Variants in NIBAN3 observed in about 807,000 individuals in gnomAD.
NIBAN3 encodes niban apoptosis regulator 3.
Under a neutral mutation model 76.4 loss-of-function variants are expected in NIBAN3, and 66 were observed. That is an observed-to-expected ratio of 0.86 (90% CI 0.71 to 1.06). The LOEUF is 1.06. Among genes scored for constraint, NIBAN3 ranks in the 50% least tolerant of loss-of-function variants. The pLI is 0.00. For missense variants in NIBAN3, 808 were observed against 810.7 expected (o/e 1.00, Z 0.04); for synonymous variants, 360 against 355.2 (o/e 1.01, Z -0.15).
Position 17,543,319 on chromosome 19 carries a change from C to T in NIBAN3, c.1332C>T (p.Leu444=). ...CATCATAGCATCTCCTCCCACAGCT[C>T]ATGGCTGACGCCGTGGCCACCTTCC... The part of the protein sequence containing the change: ...VFGAQDLAQQ[L]MADAVATFLQ... The change falls in exon 11 of 15, where the codon CTC becomes CTT. Residue 444 remains leucine, a splice_region_variant and synonymous_variant. Transcript: ENST00000599164. The T allele has an allele frequency of 6.4e-7, 1 of 1,557,436 alleles. No individual in the cohort carries two copies. Among genetic ancestry groups the T allele is most frequent in the Middle Eastern group, 1.8e-4 (1 of 5,686 alleles).
chr19:17,526,167 G>A (rs2075605161), upstream of NIBAN3, among the ~76,000 whole-genome samples: 2 of 151,990 alleles, frequency 1.3e-5, no homozygotes, highest in Admixed American at 6.6e-5. Flanking sequence ...CAAAAAATTA[G>A]CCAGGTGTGG....
Position 17,543,514 on chromosome 19 carries a change from T to G in NIBAN3, c.1447-10T>G. 1 of 1,613,532 alleles carries G rather than the reference T, an allele frequency of 6.2e-7. No homozygotes were observed. The highest frequency in any genetic ancestry group is 1.1e-5 in the South Asian group (1 of 91,072). ...TGGTTGCTGGACGCACCGCTGGGTG[T>G]GTTGTGCAGAAATTCAAATCGGACA... On this transcript the variant is annotated splice_polypyrimidine_tract_variant and intron_variant, in intron 11 of 14. Transcript: ENST00000599164.
rs769690443 is a variant in NIBAN3 at position 17,540,448 on chromosome 19, C to T, written c.1036C>T (p.Pro346Ser). ...GCGCCGGGAGGTGGACCCGCAGCTG[C>T]CCCGGGTCGTGCAGACCCTGCTGCG... Reference protein sequence around the residue: ...CLRREVDPQLPRVVQTLLRTV... With the variant: ...CLRREVDPQLSRVVQTLLRTV... Residue 346 changes from proline (P) to serine (S), a missense_variant, in exon 9 of 15, where the codon CCC becomes TCC. By Grantham distance (74) the Pro-to-Ser change is moderately conservative. Transcript: ENST00000599164. 17 of 1,568,870 alleles carry T rather than the reference C, an allele frequency of 1.1e-5. No homozygotes were observed. The Admixed American group carries it at 1.8e-4, about 17-fold the overall frequency.
chr19:17,545,911 C>G, intron 12 of NIBAN3: 3 of 430,378 alleles, frequency 7.0e-6, no homozygotes, highest in South Asian at 4.9e-5. Context: ...TCTCTAAACT[C>G]CCCCGGAGAA....
rs1555766039 is a variant in NIBAN3, at chr19:17,551,895, CT to C, written c.1861del (p.Ter621GlufsTer32). ...CGCCTTCTCCAGGAACATTCCGGAGCTGAATCTTCACCCACATCTATCTTGT... is the reference window on the plus strand; with the variant it reads ...CGCCTTCTCCAGGAACATTCCGGAGCGAATCTTCACCCACATCTATCTTGT... The part of the protein sequence containing the change: ...PPPSPGTFRS[*>X] On this transcript the variant is annotated frameshift_variant and stop_lost, in exon 15 of 15. Transcript: ENST00000599164. LOFTEE classifies it high-confidence loss of function. 1 of 777,620 alleles carries C rather than the reference CT, an allele frequency of 1.3e-6. No individual in the cohort carries two copies. Among genetic ancestry groups the C allele is most frequent in the Non-Finnish European group, 2.4e-6 (1 of 415,356 alleles). 48.2% of individuals were successfully genotyped at this position (777,620 alleles called of 1,614,324 possible). A position where few individuals can be genotyped will look rare whatever the true frequency, so the allele number is the denominator to read the frequency against.
chr19:17,546,668 A>C lies in NIBAN3; in HGVS notation c.1555-18A>C, dbSNP rs376569084. 5.3e-5 allele frequency: 81 copies of C among 1,527,972 alleles called. No homozygotes were observed. Among genetic ancestry groups the C allele is most frequent in the Non-Finnish European group, 6.8e-5 (77 of 1,136,022 alleles). 94.7% of individuals were successfully genotyped at this position (1,527,972 alleles called of 1,614,324 possible). A position where few individuals can be genotyped will look rare whatever the true frequency, so the allele number is the denominator to read the frequency against. On this transcript the variant is annotated intron_variant, in intron 12 of 14. Transcript: ENST00000599164. The stretch of plus-strand genomic sequence containing the variant: ...GGCCCTCCTCTCCATCCGAGCCCCT[A>C]ACCCGCCATGGTTCCAGGAGCTGCC...
At position 17,539,364 on chromosome 19, in the gene NIBAN3, G is replaced by A. The variant is rs765901159; in HGVS notation, c.729G>A (p.Leu243=). 1 of 1,544,578 alleles carries A rather than the reference G, an allele frequency of 6.5e-7. No individual in the cohort carries two copies. The highest frequency in any genetic ancestry group is 1.4e-5 in the African/African-American group (1 of 73,064). ...TCCTGCAGGTGCTGACCGCGGTGCT[G>A]ATGCGGGAGCAACTTCCCGCGCTGC... The part of the protein sequence containing the change: ...GSDAEVLTAV[L]MREQLPALRA... The change falls in exon 7 of 15, where the codon CTG becomes CTA. Residue 243 remains leucine (L), a synonymous_variant. Coordinates refer to ENST00000599164, the MANE Select transcript of NIBAN3 (RefSeq NM_001321827.2).
intron 13 of NIBAN3, among the ~76,000 whole-genome samples, chr19:17,547,072 G>T (rs2076069425): frequency 6.6e-6 from 1 of 152,056 alleles, no homozygotes; most frequent in Admixed American, 6.6e-5. Flanking sequence ...ACTGATAGAG[G>T]CTGGGTGTGG....
chr19:17,539,892 C>T (rs1274678788), intron 8 of NIBAN3, 127 bp downstream of exon 8: 7 of 695,602 alleles, frequency 1.0e-5, no homozygotes, highest in African/African-American at 2.0e-5. Flanking sequence ...AGGGGCGGGG[C>T]CAAGCATAGG....
intron 7 of NIBAN3, 61 bp from the exon 8 acceptor site, chr19:17,539,542 T>C (rs1378926114): frequency 1.4e-6 from 2 of 1,468,674 alleles, no homozygotes; most frequent in Admixed American, 2.5e-5. Context: ...TCTCCCGATC[T>C]CTCTGACCCC....
chr19:17,527,139 C>T, upstream of NIBAN3: 2 of 1,389,498 alleles, frequency 1.4e-6, no homozygotes, highest in Non-Finnish European at 1.9e-6. Context: ...TCCCCGCAGC[C>T]TCTACAGAAA....
Position 17,531,374 on chromosome 19 carries a change from A to C in NIBAN3, c.186+489A>C, listed in dbSNP as rs1056951519. On this transcript the variant is annotated intron_variant, in intron 2 of 14. Transcript: ENST00000599164. ...ACACACACACACACACACACACACA[A>C]CCATTCACTGAGCATGTAATTCATG... is the stretch of plus-strand genomic sequence containing the variant. 1.4e-4 allele frequency among the ~76,000 whole-genome samples: 17 copies of C among 122,026 alleles called. 1 individual carries two copies. The highest frequency in any genetic ancestry group is 1.3e-3 in the Admixed American group (15 of 11,886). The allele number at this position is 122,026 out of a possible 152,430, so 80.1% of individuals were successfully genotyped here.
rs370987487 is a variant in NIBAN3 at position 17,527,324 on chromosome 19, C to T, written c.-17C>T. The T allele has an allele frequency of 3.9e-6, 6 of 1,541,492 alleles. No individual in the cohort carries two copies. Among genetic ancestry groups the T allele is most frequent in the South Asian group, 1.2e-5 (1 of 83,894 alleles). The stretch of plus-strand genomic sequence containing the variant: ...GTCGTGGGGAAGGGAAGAGGAGCCC[C>T]GGGAGACGACAGCAGCATGGGTGGG... On this transcript the variant is annotated 5_prime_UTR_variant, in exon 1 of 15. Transcript: ENST00000599164.
chr19:17,551,501 G>A (rs542306640), intron 14 of NIBAN3, among the ~76,000 whole-genome samples: 1 of 151,490 alleles, frequency 6.6e-6, no homozygotes, highest in African/African-American at 2.4e-5. Flanking sequence ...TCTGCCTCTC[G>A]GGTTCAAGCG....
chr19:17,543,740 C>A (rs1599746461), intron 12 of NIBAN3, 109 bp downstream of exon 12: 2 of 937,118 alleles, frequency 2.1e-6, no homozygotes, highest in Non-Finnish European at 3.2e-6. Flanking sequence ...TGCCTGTAAT[C>A]CCAGCAATTT....
chr19:17,544,286 G>A (rs560325352), intron 12 of NIBAN3, among the ~76,000 whole-genome samples: 1 of 152,268 alleles, frequency 6.6e-6, no homozygotes, highest in Non-Finnish European at 1.5e-5. Flanking sequence ...ACAGAGCAAG[G>A]GCCTGTCTCT....
At chr19:17,535,407 T>C (rs1035548501) in intron 4 of NIBAN3, among the ~76,000 whole-genome samples, 6 of 151,918 alleles carry the variant, frequency 3.9e-5, no homozygotes, top group African/African-American at 1.5e-4. Flanking sequence ...GATCACACCA[T>C]TGAACTCCAG....
In NIBAN3 at chr19:17,542,431, C is replaced by T. The variant is rs577427827; in HGVS notation, c.1329+137C>T. 2.2e-5 allele frequency: 21 copies of T among 939,348 alleles called. No individual in the cohort carries two copies. Among genetic ancestry groups the T allele is most frequent in the African/African-American group, 1.7e-4 (10 of 60,522 alleles). The allele number at this position is 939,348 out of a possible 1,614,324, so 58.2% of individuals were successfully genotyped here. Reference sequence around the variant, plus strand: ...TGCCAGTCTCATGGGGACATGAGCCCGTGACCAGGCAGCAGCCACATGTGG... The same window carrying T: ...TGCCAGTCTCATGGGGACATGAGCCTGTGACCAGGCAGCAGCCACATGTGG... On this transcript the variant is annotated intron_variant, in intron 10 of 14. Coordinates refer to ENST00000599164, the MANE Select transcript of NIBAN3 (RefSeq NM_001321827.2). The surrounding 1 kb of genome is among the most constrained non-coding windows in gnomAD (Gnocchi z 4.8).
chr19:17,551,517 C>T (rs1290087091), intron 14 of NIBAN3, among the ~76,000 whole-genome samples: 1 of 152,054 alleles, frequency 6.6e-6, no homozygotes, highest in Non-Finnish European at 1.5e-5. Context: ...AAGCGATTCT[C>T]ATGCCTCAGC....
Sources: allele counts gnomAD v4.1 joint callset (sites outside exome capture counted in the v4.1 genomes callset), GRCh38; gene constraint gnomAD v4.1.1; non-coding constraint Gnocchi (gnomAD v3.1); transcripts MANE v1.5; gene names NCBI Gene and HGNC (gene_info 2026-07-23, HGNC 2026-07-21).